Variants in STAU2 observed in about 807,000 individuals in gnomAD.
STAU2 encodes the protein staufen double-stranded RNA binding protein 2.
In STAU2, 20 loss-of-function variants were observed where a neutral mutation model predicts 65.9. That is an observed-to-expected ratio of 0.30 (90% confidence interval 0.21 to 0.44). The LOEUF is 0.44. Among genes scored for constraint, STAU2 ranks in the 20% least tolerant of loss-of-function variants. The pLI is 1.00. For missense variants in STAU2, 558 were observed against 683.9 expected (o/e 0.82, Z 2.05); for synonymous variants, 232 against 233.9 (o/e 0.99, Z 0.07).
At position 73,739,857 on chromosome 8, in the gene STAU2, G is replaced by A; in HGVS notation, c.-185C>T. The A allele has an allele frequency of 8.5e-7, 1 of 1,178,828 alleles. No homozygotes were observed. Among genetic ancestry groups the A allele is most frequent in the Non-Finnish European group, 1.2e-6 (1 of 823,262 alleles). The allele number at this position is 1,178,828 out of a possible 1,614,324, so 73.0% of individuals were successfully genotyped here. A position where few individuals can be genotyped will look rare whatever the true frequency, so the allele number is the denominator to read the frequency against. On this transcript the variant is annotated 5_prime_UTR_variant, in exon 2 of 15. Transcript: ENST00000524300. ...TTAAAAAGTAAGCTAAAGTCCTTGT[G>A]GTAGGCAGCCTCTAACAAATAGAAT...
intron 6 of STAU2, among the ~76,000 whole-genome samples, chr8:73,660,836 A>G (rs973851785): frequency 6.6e-6 from 1 of 152,218 alleles, no homozygotes; most frequent in African/African-American, 2.4e-5. Context: ...TCCATATGCA[A>G]TAGAGAATCA....
intron 13 of STAU2, among the ~76,000 whole-genome samples, chr8:73,423,300 A>T (rs1189908729): frequency 6.6e-6 from 1 of 152,196 alleles, no homozygotes; most frequent in African/African-American, 2.4e-5. Flanking sequence ...CGAGGTGTTG[A>T]TAGGCTCGGG....
intron 13 of STAU2, among the ~76,000 whole-genome samples, chr8:73,488,948 CCTAA>C (rs973897209): frequency 1.4e-4 from 21 of 152,004 alleles, no homozygotes; most frequent in Non-Finnish European, 2.4e-4. Context: ...TTCTGAATAA[CCTAA>C]CTGTCTCTTT....
chr8:73,695,926 C>T (rs563879593), intron 4 of STAU2, among the ~76,000 whole-genome samples: 43 of 152,274 alleles, frequency 2.8e-4, no homozygotes, highest in African/African-American at 1.0e-3. Context: ...TCTGGACACA[C>T]CTGGAACCCA....
intron 6 of STAU2, chr8:73,651,250 G>A (rs1178783780): frequency 2.8e-6 from 2 of 706,862 alleles, no homozygotes; most frequent in Non-Finnish European, 4.9e-6. Context: ...GGCTATGGCT[G>A]GGTTGAGGAA....
intron 13 of STAU2, among the ~76,000 whole-genome samples, chr8:73,455,465 C>T (rs76653359): frequency 6.6e-6 from 1 of 152,254 alleles, no homozygotes; most frequent in East Asian, 1.9e-4. Flanking sequence ...TGACACCAGA[C>T]CTCCCTTGAC....
intron 3 of STAU2, among the ~76,000 whole-genome samples, chr8:73,711,372 C>A (rs1287264251): frequency 6.6e-6 from 1 of 152,014 alleles, no homozygotes; most frequent in East Asian, 1.9e-4. Flanking sequence ...TCAAGTGCAA[C>A]AGACAGCACA....
chr8:73,516,642 C>T (rs1822742404), intron 13 of STAU2, among the ~76,000 whole-genome samples: 1 of 152,038 alleles, frequency 6.6e-6, no homozygotes, highest in Non-Finnish European at 1.5e-5. Context: ...GAATTTTGGA[C>T]ATGGGGAGAG....
chr8:73,475,195 G>C (rs1030127288), intron 13 of STAU2, among the ~76,000 whole-genome samples: 2 of 152,098 alleles, frequency 1.3e-5, no homozygotes, highest in African/African-American at 4.8e-5. Context: ...TGATTACACA[G>C]GTGTGTTCAG....
At chr8:73,741,560 T>C (rs1163140345) in intron 1 of STAU2, among the ~76,000 whole-genome samples, 2 of 151,690 alleles carry the variant, frequency 1.3e-5, no homozygotes, top group Non-Finnish European at 2.9e-5. Context: ...TCACCCAGAG[T>C]GGAGTGCAAC....
chr8:73,671,727 T>C (rs1279422345), intron 6 of STAU2, among the ~76,000 whole-genome samples: 1 of 152,102 alleles, frequency 6.6e-6, no homozygotes, highest in Non-Finnish European at 1.5e-5. Context: ...TATGTAGCCA[T>C]CAAAATCATT....
At chr8:73,453,987 A>T (rs1289823914) in intron 13 of STAU2, among the ~76,000 whole-genome samples, 1 of 152,220 alleles carries the variant, frequency 6.6e-6, no homozygotes, top group Non-Finnish European at 1.5e-5. Context: ...TAGCCAGAAA[A>T]CAAATGTACA....
intron 13 of STAU2, among the ~76,000 whole-genome samples, chr8:73,461,532 A>T (rs967147796): frequency 1.3e-5 from 2 of 152,008 alleles, no homozygotes; most frequent in African/African-American, 4.8e-5. Context: ...CATGGCAAAT[A>T]TGAGGTGACT....
intron 4 of STAU2, among the ~76,000 whole-genome samples, chr8:73,694,157 A>G (rs191212351): frequency 6.6e-6 from 1 of 152,204 alleles, no homozygotes; most frequent in Admixed American, 6.5e-5. Context: ...TTGATATCCT[A>G]AACATTTAGG....
chr8:73,603,423 A>T (rs1332050110), intron 10 of STAU2, among the ~76,000 whole-genome samples: 2 of 152,222 alleles, frequency 1.3e-5, no homozygotes, highest in Non-Finnish European at 2.9e-5. Flanking sequence ...CCCAGTAGTT[A>T]ACAGACTCCG....
chr8:73,430,263 C>A (rs183351983), intron 13 of STAU2, among the ~76,000 whole-genome samples: 5 of 152,196 alleles, frequency 3.3e-5, no homozygotes, highest in South Asian at 4.1e-4. Flanking sequence ...AAAGGTGAAG[C>A]GAATAAAAAT....
chr8:73,575,685 A>G (rs1430208645), intron 12 of STAU2, among the ~76,000 whole-genome samples: 2 of 152,164 alleles, frequency 1.3e-5, no homozygotes, highest in African/African-American at 2.4e-5. Flanking sequence ...AATGGGTAGA[A>G]CAGCATGTTC....
At chr8:73,464,825 C>A (rs1455118656) in intron 13 of STAU2, among the ~76,000 whole-genome samples, 2 of 152,160 alleles carry the variant, frequency 1.3e-5, no homozygotes, top group Non-Finnish European at 2.9e-5. Context: ...AGTTATATCA[C>A]CAACCTGCAA....
chr8:73,468,151 C>T (rs1819765383), intron 13 of STAU2, among the ~76,000 whole-genome samples: 2 of 152,124 alleles, frequency 1.3e-5, no homozygotes, highest in African/African-American at 4.8e-5. Flanking sequence ...GAAATAATAC[C>T]ACACATCTAT....
Sources: allele counts gnomAD v4.1 joint callset (sites outside exome capture counted in the v4.1 genomes callset), GRCh38; gene constraint gnomAD v4.1.1; transcripts MANE v1.5; gene names NCBI Gene and HGNC (gene_info 2026-07-23, HGNC 2026-07-21).